SLC2A2: variants seen among roughly 807,000 people sequenced by gnomAD.
SLC2A2 encodes solute carrier family 2 member 2.
A neutral mutation model predicts 54.5 loss-of-function variants in SLC2A2; 36 were observed. The observed-to-expected ratio is 0.66, with a 90% CI of 0.51 to 0.87. The LOEUF is 0.87. SLC2A2 is among the 40% of genes least tolerant of loss of function. The pLI is 0.00. For missense variants in SLC2A2, 543 were observed against 624.3 expected, an observed-to-expected ratio of 0.87 and a Z score of 1.39; for synonymous variants, 223 against 219.1, an observed-to-expected ratio of 1.02 and a Z score of -0.16.
Position 171,014,525 on chromosome 3 carries a change from T to C in SLC2A2, c.315A>G (p.Ala105=), listed in dbSNP as rs1370721038. 3.7e-6 allele frequency: 6 copies of C among 1,614,028 alleles called. No individual in the cohort carries two copies. The Admixed American group carries it at 5.0e-5, about 13-fold the overall frequency. ...AGAATGATGCAGTCATTCCACCAAC[T>C]GCAAAGCTGGATACAGACAGGGACC... The part of the protein sequence containing the change: ...MLWSLSVSSF[A]VGGMTASFFG... Residue 105 remains alanine (A), a synonymous_variant, in exon 3 of 11, where the codon GCA becomes GCG. Transcript: ENST00000314251.
Position 170,997,578 on chromosome 3 carries a change from A to T in SLC2A2, c.*325T>A, listed in dbSNP as rs189555280. The T allele has an allele frequency of 5.0e-3, 1,261 of 250,106 alleles. 18 individuals carry two copies. Among genetic ancestry groups the T allele is most frequent in the African/African-American group, 0.027 (1,149 of 43,358 alleles). 15.5% of individuals were successfully genotyped at this position (250,106 alleles called of 1,614,324 possible). A position where few individuals can be genotyped will look rare whatever the true frequency, so the allele number is the denominator to read the frequency against. On this transcript the variant is annotated 3_prime_UTR_variant, in exon 11 of 11. Coordinates refer to ENST00000314251, the MANE Select transcript of SLC2A2 (RefSeq NM_000340.2). ...ATCCTCAGGTTTCTAGTTATGTGTT[A>T]AAAAAATGATATGTTGAAATCTCTT...
intron 2 of SLC2A2, 131 bp downstream of exon 2, chr3:171,018,400 A>G (rs769972452): frequency 8.0e-5 from 61 of 758,830 alleles, no homozygotes; most frequent in Admixed American, 2.5e-4. Flanking sequence ...AACAGTGCAC[A>G]TCGTACCTGA....
At chr3:171,017,901 A>C (rs1716225477) in intron 2 of SLC2A2, among the ~76,000 whole-genome samples, 1 of 152,242 alleles carries the variant, frequency 6.6e-6, no homozygotes, top group African/African-American at 2.4e-5. Context: ...ATCGTGGAGA[A>C]AATCCAAACT....
chr3:171,022,883 C>T (rs532186034), intron 1 of SLC2A2, among the ~76,000 whole-genome samples: 34 of 152,280 alleles, frequency 2.2e-4, no homozygotes, highest in African/African-American at 7.7e-4. Context: ...CAGCCTAAGT[C>T]ACAAAGTCCC....
chr3:171,010,909 G>T (rs1458628496), intron 3 of SLC2A2, among the ~76,000 whole-genome samples: 5 of 152,022 alleles, frequency 3.3e-5, no homozygotes, highest in African/African-American at 1.2e-4. Flanking sequence ...GGAAAGCGAG[G>T]TACACAGAAA....
chr3:171,006,963 C>T (rs1295785320), intron 5 of SLC2A2, among the ~76,000 whole-genome samples, 185 bp downstream of exon 5: 1 of 151,934 alleles, frequency 6.6e-6, no homozygotes, highest in Non-Finnish European at 1.5e-5. Flanking sequence ...GTCTCTACAC[C>T]ACCTCCACTA....
intron 4 of SLC2A2, 30 bp downstream of exon 4, chr3:171,009,915 GTGTGTGTGTGTGT>G: frequency 1.7e-6 from 2 of 1,143,748 alleles, no homozygotes; most frequent in Admixed American, 2.6e-5. Context: ...AAAGGTAGGT[GTGTGTGTGTGTGT>G]GTGTGTGTGT....
intron 2 of SLC2A2, among the ~76,000 whole-genome samples, chr3:171,017,314 T>C (rs1404980561): frequency 6.6e-6 from 1 of 152,164 alleles, no homozygotes; most frequent in Non-Finnish European, 1.5e-5. Flanking sequence ...AAAAAAGATA[T>C]GACCCTTGTC....
At chr3:170,998,644 G>A (rs151086649) in intron 9 of SLC2A2, among the ~76,000 whole-genome samples, 1 of 152,262 alleles carries the variant, frequency 6.6e-6, no homozygotes, top group African/African-American at 2.4e-5. Context: ...AGGATCCAGT[G>A]ACCTTTGCTT....
At chr3:171,001,661 GAT>G (rs961374940) in intron 8 of SLC2A2, among the ~76,000 whole-genome samples, 1 of 151,972 alleles carries the variant, frequency 6.6e-6, no homozygotes, top group African/African-American at 2.4e-5. Context: ...GTTGAACAAA[GAT>G]AAAAATAAGC....
chr3:171,017,794 C>A (rs1240470056), intron 2 of SLC2A2, among the ~76,000 whole-genome samples: 1 of 152,166 alleles, frequency 6.6e-6, no homozygotes, highest in Non-Finnish European at 1.5e-5. Context: ...GAATAACATA[C>A]CTCTCCCATG....
chr3:171,006,284 T>C (rs1338873284), intron 5 of SLC2A2, among the ~76,000 whole-genome samples, 179 bp from the exon 6 acceptor site: 1 of 145,214 alleles, frequency 6.9e-6, no homozygotes, highest in Non-Finnish European at 1.5e-5. Flanking sequence ...CTATTTGTTA[T>C]ATAAGGAATT....
At chr3:171,020,240 C>G (rs1296032891) in intron 1 of SLC2A2, among the ~76,000 whole-genome samples, 1 of 152,126 alleles carries the variant, frequency 6.6e-6, no homozygotes, top group Non-Finnish European at 1.5e-5. Context: ...AGAAATTTCA[C>G]AAAGTATTGT....
Position 171,014,698 on chromosome 3 carries a change from C to G in SLC2A2, c.142G>C (p.Val48Leu). 1 of 1,613,382 alleles carries G rather than the reference C, an allele frequency of 6.2e-7. No individual in the cohort carries two copies. The highest frequency in any genetic ancestry group is 8.5e-7 in the Non-Finnish European group (1 of 1,179,284). Residue 48 changes from valine (V) to leucine (L), a missense_variant, in exon 3 of 11, where the codon GTT becomes CTT. Val to Leu is a conservative substitution (Grantham distance 32). Transcript: ENST00000314251. ...ATAGCTTTTCGGTCATCCAGTGGAACACCCAAAACATGTCTATAGTGAGAT... is the reference window on the plus strand; with the variant it reads ...ATAGCTTTTCGGTCATCCAGTGGAAGACCCAAAACATGTCTATAGTGAGAT... ...IISHYRHVLG[V>L]PLDDRKAINN... is the part of the protein sequence containing the mutation.
chr3:171,011,603 G>T lies in SLC2A2; in HGVS notation c.372-1521C>A, dbSNP rs537906027. ...TGTTGTTTTAAGCCACTAAATTGGG[G>T]ATAATTCATTACAGCAGCAATGTGA... On this transcript the variant is annotated intron_variant, in intron 3 of 10. Coordinates refer to ENST00000314251, the MANE Select transcript of SLC2A2 (RefSeq NM_000340.2). Among the ~76,000 whole-genome samples, 6 of 152,272 alleles carry T rather than the reference G, an allele frequency of 3.9e-5. No homozygotes were observed. In the East Asian group the frequency reaches 7.7e-4, roughly 20 times the overall value.
intron 3 of SLC2A2, among the ~76,000 whole-genome samples, chr3:171,012,209 C>T (rs1715919637): frequency 6.6e-6 from 1 of 152,100 alleles, no homozygotes; most frequent in Admixed American, 6.6e-5. Flanking sequence ...TATTTGTTGT[C>T]ATTAAATCCT....
Position 171,016,384 on chromosome 3 carries a change from A to G in SLC2A2, c.109-1653T>C, listed in dbSNP as rs540500736. 1.9e-4 allele frequency among the ~76,000 whole-genome samples: 29 copies of G among 152,108 alleles called. 1 individual carries two copies. In the South Asian group the frequency reaches 6.0e-3, roughly 32 times the overall value. On this transcript the variant is annotated intron_variant, in intron 2 of 10. Transcript: ENST00000314251. ...TCAGGAGGCAGAGGTTGAAGTGAAA[A>G]TCTCCAGCCTGGATGACAGAGTGAG...
At chr3:170,998,426 A>G in intron 9 of SLC2A2, 30 bp from the exon 10 acceptor site, 1 of 1,584,758 alleles carries the variant, frequency 6.3e-7, no homozygotes, top group Non-Finnish European at 8.7e-7. Flanking sequence ...CAATAGTGGG[A>G]CTGAGATCAT....
intron 8 of SLC2A2, among the ~76,000 whole-genome samples, chr3:171,000,147 A>G (rs1454846738): frequency 1.3e-5 from 2 of 151,978 alleles, no homozygotes; most frequent in East Asian, 1.9e-4. Context: ...CATTTCACCT[A>G]CAGTGAAAGC....
Sources: allele counts gnomAD v4.1 joint callset (sites outside exome capture counted in the v4.1 genomes callset), GRCh38; gene constraint gnomAD v4.1.1; transcripts MANE v1.5; gene names NCBI Gene and HGNC (gene_info 2026-07-23, HGNC 2026-07-21).